Variants in GALNTL6 observed in about 807,000 individuals in gnomAD.
GALNTL6 encodes the protein polypeptide N-acetylgalactosaminyltransferase-like 6.
A neutral mutation model predicts 73.7 loss-of-function variants in GALNTL6; 46 were observed. The observed-to-expected ratio is 0.62, with a 90% confidence interval of 0.49 to 0.80. The LOEUF (loss-of-function observed/expected upper bound fraction) is 0.80, where lower values mean the gene tolerates loss of function less well. GALNTL6 is among the 30% of genes least tolerant of loss of function. The probability of loss-of-function intolerance (pLI) is 0.00; values close to 1 mark genes in which losing one functional copy is unlikely to be tolerated. For synonymous variants in GALNTL6, 259 were observed against 263.7 expected (o/e 0.98, Z 0.17); for missense variants, 604 against 755.0 (o/e 0.80, Z 2.34).
At chr4:172,623,220 C>A (rs905361114) in intron 5 of GALNTL6, among the ~76,000 whole-genome samples, 13 of 151,902 alleles carry the variant, frequency 8.6e-5, no homozygotes, top group African/African-American at 3.1e-4. Flanking sequence ...AGATAAATAC[C>A]CGAAGAATCA....
intron 7 of GALNTL6, among the ~76,000 whole-genome samples, chr4:172,876,521 A>G (rs1350369030): frequency 6.6e-6 from 1 of 152,184 alleles, no homozygotes; most frequent in Non-Finnish European, 1.5e-5. Context: ...CCAGTTACGC[A>G]TTGCAATATA....
intron 5 of GALNTL6, among the ~76,000 whole-genome samples, chr4:172,374,472 G>A (rs184531389): frequency 5.8e-4 from 89 of 152,298 alleles, no homozygotes; most frequent in African/African-American, 2.0e-3. Flanking sequence ...TTGGGTGACA[G>A]GGGAGTATAT....
intron 5 of GALNTL6, among the ~76,000 whole-genome samples, chr4:172,402,180 C>G (rs1744066645): frequency 1.3e-5 from 2 of 152,022 alleles, no homozygotes; most frequent in Non-Finnish European, 2.9e-5. Flanking sequence ...TTTTATAACT[C>G]TCATTTGGGA....
At chr4:173,010,772 T>A (rs1361300350) in intron 11 of GALNTL6, among the ~76,000 whole-genome samples, 3 of 120,536 alleles carry the variant, frequency 2.5e-5, no homozygotes, top group East Asian at 4.0e-4. Flanking sequence ...TTTTTGTATT[T>A]TTTTTTTTTT....
At chr4:173,022,030 A>AGAAGGAAGGAAGGAAGGAAG (rs750348404) in intron 12 of GALNTL6, among the ~76,000 whole-genome samples, 21 of 69,236 alleles carry the variant, frequency 3.0e-4, no homozygotes, top group African/African-American at 1.2e-3. Context: ...AAGGAAGGAA[A>AGAAGGAAGGAAGGAAGGAAG]GAAGGAAGGA....
chr4:173,014,019 T>G (rs1454989892), intron 11 of GALNTL6, among the ~76,000 whole-genome samples: 1 of 151,356 alleles, frequency 6.6e-6, no homozygotes, highest in African/African-American at 2.4e-5. Context: ...AGGAGACTTA[T>G]TAGAGTTGAA....
intron 5 of GALNTL6, among the ~76,000 whole-genome samples, chr4:172,426,506 A>T (rs1731233638): frequency 6.6e-6 from 1 of 152,278 alleles, no homozygotes. Context: ...GCTGAATTTT[A>T]AAATGCCATT....
chr4:172,974,283 T>C (rs74407543), intron 10 of GALNTL6, among the ~76,000 whole-genome samples: 218 of 152,254 alleles, frequency 1.4e-3, no homozygotes, highest in African/African-American at 4.9e-3. Context: ...TGCTGTATAA[T>C]AGACGAGCAG....
chr4:172,285,235 A>C (rs1170029288), intron 3 of GALNTL6, among the ~76,000 whole-genome samples: 1 of 152,152 alleles, frequency 6.6e-6, no homozygotes, highest in East Asian at 1.9e-4. Flanking sequence ...AAATTCTCAC[A>C]AGTCTGTGAG....
chr4:172,372,642 T>A (rs1220151590), intron 5 of GALNTL6, among the ~76,000 whole-genome samples: 1 of 152,120 alleles, frequency 6.6e-6, no homozygotes, highest in East Asian at 1.9e-4. Flanking sequence ...AAAGAAAAGT[T>A]TTGTCCTGTC....
intron 5 of GALNTL6, among the ~76,000 whole-genome samples, chr4:172,497,264 T>TA (rs1471701482): frequency 6.6e-6 from 1 of 152,230 alleles, no homozygotes; most frequent in Non-Finnish European, 1.5e-5. Context: ...TAATGAATAG[T>TA]AATGGTTCGA....
At chr4:172,709,630 T>G (rs552173684) in intron 5 of GALNTL6, among the ~76,000 whole-genome samples, 16 of 152,138 alleles carry the variant, frequency 1.1e-4, no homozygotes, top group African/African-American at 3.9e-4. Context: ...CCCAGACAGC[T>G]CCCCTGCCTA....
intron 10 of GALNTL6, among the ~76,000 whole-genome samples, chr4:172,963,444 T>G (rs1049636528): frequency 2.0e-5 from 3 of 152,226 alleles, no homozygotes; most frequent in Non-Finnish European, 4.4e-5. Context: ...TTCTCATCTA[T>G]CTCTCCCACT....
At chr4:173,011,932 C>T (rs1198239073) in intron 11 of GALNTL6, among the ~76,000 whole-genome samples, 1 of 152,078 alleles carries the variant, frequency 6.6e-6, no homozygotes, top group Non-Finnish European at 1.5e-5. Flanking sequence ...GAGATGGGGT[C>T]TTGCTCTGTC....
chr4:172,121,419 G>A (rs1387212298), intron 2 of GALNTL6, among the ~76,000 whole-genome samples: 1 of 152,084 alleles, frequency 6.6e-6, no homozygotes, highest in Non-Finnish European at 1.5e-5. Context: ...ATTTGTCAGG[G>A]TTTTAACACA....
chr4:172,019,114 C>A (rs752550259), intron 2 of GALNTL6, among the ~76,000 whole-genome samples: 2 of 152,128 alleles, frequency 1.3e-5, no homozygotes, highest in African/African-American at 4.8e-5. Context: ...AGCAGCATGC[C>A]GCTTCTTTCA....
chr4:172,997,357 C>A (rs981976572), intron 10 of GALNTL6, among the ~76,000 whole-genome samples: 3 of 152,134 alleles, frequency 2.0e-5, no homozygotes, highest in African/African-American at 7.2e-5. Context: ...GGACAAACCA[C>A]CTACTTTCTC....
chr4:173,022,544 A>C (rs936918550), intron 12 of GALNTL6, among the ~76,000 whole-genome samples: 55 of 152,180 alleles, frequency 3.6e-4, no homozygotes, highest in African/African-American at 1.3e-3. Context: ...TTCATTTTTT[A>C]TGTATCTCAG....
intron 2 of GALNTL6, among the ~76,000 whole-genome samples, chr4:172,191,431 A>G (rs1175246360): frequency 6.6e-6 from 1 of 152,138 alleles, no homozygotes; most frequent in Non-Finnish European, 1.5e-5. Flanking sequence ...ATGTAGAACA[A>G]GGTGGTCATT....
Sources: allele counts gnomAD v4.1 joint callset (sites outside exome capture counted in the v4.1 genomes callset), GRCh38; gene constraint gnomAD v4.1.1; transcripts MANE v1.5; gene names NCBI Gene and HGNC (gene_info 2026-07-23, HGNC 2026-07-21).